Variants in EVA1A observed in about 807,000 individuals in gnomAD.
EVA1A encodes the protein eva-1 homolog A, regulator of programmed cell death, also known as protein eva-1 homolog A.
A neutral mutation model predicts 9.8 loss-of-function variants in EVA1A; 7 were observed. The ratio of observed to expected loss-of-function variants is 0.71; its 90% CI spans 0.41 to 1.34. The LOEUF is 1.34. Among genes scored for constraint, EVA1A ranks in the 40% most tolerant of loss-of-function variants. The pLI is 0.01. For synonymous variants in EVA1A, 90 were observed against 85.6 expected (o/e 1.05, Z -0.28); for missense variants, 206 against 205.9 (o/e 1.00, Z 0.00).
intron 3 of EVA1A, among the ~76,000 whole-genome samples, chr2:75,508,996 G>T (rs184413501): frequency 6.6e-6 from 1 of 152,252 alleles, no homozygotes; most frequent in East Asian, 1.9e-4. Flanking sequence ...ATTGATTGAT[G>T]AACTGATGCC....
chr2:75,530,047 T>C (rs1477148559), intron 1 of EVA1A, among the ~76,000 whole-genome samples: 1 of 151,990 alleles, frequency 6.6e-6, no homozygotes, highest in African/African-American at 2.4e-5. Flanking sequence ...ATAAATTCAG[T>C]TGGAAAAGAA....
intron 3 of EVA1A, among the ~76,000 whole-genome samples, chr2:75,505,008 T>C (rs773602762): frequency 2.0e-5 from 3 of 152,112 alleles, no homozygotes; most frequent in South Asian, 2.1e-4. Flanking sequence ...CCACAGGCAA[T>C]AGGCAACCCA....
intron 1 of EVA1A, chr2:75,542,479 T>C (rs1388805075): frequency 6.6e-6 from 1 of 152,274 alleles, no homozygotes. Context: ...ACCACTGTCT[T>C]CTCCGTTCAT....
chr2:75,556,561 T>C (rs1676717194), intron 1 of EVA1A, among the ~76,000 whole-genome samples: 1 of 152,198 alleles, frequency 6.6e-6, no homozygotes, highest in Non-Finnish European at 1.5e-5. Context: ...TACAGGAATT[T>C]GTCTCTCAGG....
chr2:75,507,808 A>T (rs987966330), intron 3 of EVA1A, among the ~76,000 whole-genome samples: 2 of 152,150 alleles, frequency 1.3e-5, no homozygotes, highest in Non-Finnish European at 2.9e-5. Context: ...TGCTGATCAG[A>T]GCCTCACACC....
At chr2:75,568,451 T>C (rs1677067272) in intron 1 of EVA1A, among the ~76,000 whole-genome samples, 1 of 151,656 alleles carries the variant, frequency 6.6e-6, no homozygotes. Flanking sequence ...CTAGATATTG[T>C]CCTTTTTTTA....
chr2:75,535,630 G>A (rs181581867), intron 1 of EVA1A, among the ~76,000 whole-genome samples: 2 of 152,280 alleles, frequency 1.3e-5, no homozygotes, highest in East Asian at 1.9e-4. Flanking sequence ...AATGTCTTTT[G>A]CAGCAACTTG....
intron 1 of EVA1A, chr2:75,569,401 C>G (rs1000140244): frequency 6.5e-6 from 1 of 152,694 alleles, no homozygotes; most frequent in African/African-American, 2.4e-5. Flanking sequence ...GTACTTGCTG[C>G]TGTAGCCACG....
chr2:75,567,346 T>A (rs1429497315), intron 1 of EVA1A, among the ~76,000 whole-genome samples: 1 of 152,206 alleles, frequency 6.6e-6, no homozygotes. Flanking sequence ...TGAGTTAAAA[T>A]AGCTCAACCT....
intron 1 of EVA1A, among the ~76,000 whole-genome samples, chr2:75,567,126 G>A (rs557329878): frequency 6.6e-6 from 1 of 152,022 alleles, no homozygotes; most frequent in African/African-American, 2.4e-5. Context: ...ATATACATGG[G>A]CCGCAAAAAG....
chr2:75,498,939 G>C (rs1674313201), intron 3 of EVA1A, among the ~76,000 whole-genome samples: 1 of 151,924 alleles, frequency 6.6e-6, no homozygotes, highest in Non-Finnish European at 1.5e-5. Flanking sequence ...AGGAAATAAT[G>C]ACCAGAACAG....
At chr2:75,517,898 C>A in intron 3 of EVA1A, 158 bp downstream of exon 3, 1 of 850,428 alleles carries the variant, frequency 1.2e-6, no homozygotes. Context: ...AACTCCCAAC[C>A]TGGAGACCTT....
At chr2:75,541,667 C>A (rs1676125994) in intron 1 of EVA1A, 1 of 152,946 alleles carries the variant, frequency 6.5e-6, no homozygotes, top group African/African-American at 2.4e-5. Context: ...TTGCACTTCC[C>A]AGAGATCCCT....
chr2:75,514,694 A>T (rs1674942281), intron 3 of EVA1A, among the ~76,000 whole-genome samples: 1 of 152,112 alleles, frequency 6.6e-6, no homozygotes, highest in African/African-American at 2.4e-5. Context: ...CATGTCATAA[A>T]CATCTATTTC....
At position 75,509,682 on chromosome 2, in the gene EVA1A, G is replaced by A. The variant is rs373103083; in HGVS notation, c.85+8374C>T. Among the ~76,000 whole-genome samples the A allele has an allele frequency of 8.7e-4, 132 of 152,054 alleles. 2 individuals carry two copies. Among genetic ancestry groups the A allele is most frequent in the African/African-American group, 3.0e-3 (124 of 41,490 alleles). ...ACACTGTAGTTACCATGTGCTCTGC[G>A]GATCTGTACTTTGTTAGAAATACAA... On this transcript the variant is annotated intron_variant, in intron 3 of 3. Coordinates refer to ENST00000393913, the MANE Select transcript of EVA1A (RefSeq NM_001135032.2).
At chr2:75,556,276 T>C (rs1266812035) in intron 1 of EVA1A, among the ~76,000 whole-genome samples, 1 of 152,062 alleles carries the variant, frequency 6.6e-6, no homozygotes, top group Non-Finnish European at 1.5e-5. Context: ...AAGACGTAAA[T>C]GGGGCAAAGT....
intron 3 of EVA1A, among the ~76,000 whole-genome samples, chr2:75,512,305 T>A (rs1463403082): frequency 6.6e-6 from 1 of 151,984 alleles, no homozygotes; most frequent in Non-Finnish European, 1.5e-5. Flanking sequence ...AAAAAAGAAA[T>A]CTTAAGTCCT....
chr2:75,566,229 C>T (rs1677025328), intron 1 of EVA1A, among the ~76,000 whole-genome samples: 2 of 152,168 alleles, frequency 1.3e-5, no homozygotes, highest in Admixed American at 1.3e-4. Context: ...CAACCTTTTG[C>T]CAAATTTTTA....
At chr2:75,555,301 A>ATCTCTCTCTCTCTCTCTC (rs58092436) in intron 1 of EVA1A, among the ~76,000 whole-genome samples, 1,317 of 56,992 alleles carry the variant, frequency 0.023, 148 homozygotes, top group Middle Eastern at 0.049. Flanking sequence ...TCAAAACTCA[A>ATCTCTCTCTCTCTCTCTC]TCTCTCTCTC....
Sources: allele counts gnomAD v4.1 joint callset (sites outside exome capture counted in the v4.1 genomes callset), GRCh38; gene constraint gnomAD v4.1.1; transcripts MANE v1.5; gene names NCBI Gene and HGNC (gene_info 2026-07-23, HGNC 2026-07-21).